CYP19A1: variants seen among roughly 807,000 people sequenced by gnomAD.
CYP19A1 encodes aromatase.
CYP19A1 carries 32 observed loss-of-function variants against 44.4 expected under a neutral mutation model. That is an observed-to-expected ratio of 0.72 (90% CI 0.54 to 0.97). The LOEUF is 0.97. CYP19A1 is among the 50% of genes least tolerant of loss of function. CYP19A1 has a pLI of 0.00. For missense variants in CYP19A1, 598 were observed against 637.8 expected (o/e 0.94, Z 0.67); for synonymous variants, 212 against 215.6 (o/e 0.98, Z 0.14).
At chr15:51,297,649 CT>C (rs2036022706) in intron 1 of CYP19A1, among the ~76,000 whole-genome samples, 1 of 152,114 alleles carries the variant, frequency 6.6e-6, no homozygotes, top group African/African-American at 2.4e-5. Context: ...GCTCCCTCCC[CT>C]GTCTCCCTCC....
chr15:51,242,985 T>A, intron 1 of CYP19A1, 35 bp from the exon 2 acceptor site: 1 of 1,083,476 alleles, frequency 9.2e-7, no homozygotes, highest in South Asian at 1.2e-5. Context: ...AATTACAGAA[T>A]CCCCTAAAAG....
intron 1 of CYP19A1, among the ~76,000 whole-genome samples, chr15:51,299,700 A>T (rs1034838319): frequency 5.3e-5 from 8 of 152,220 alleles, no homozygotes; most frequent in Admixed American, 4.6e-4. Context: ...CAGCTGAAAA[A>T]ACAAGTGCCA....
chr15:51,276,857 G>A (rs2140963450), intron 1 of CYP19A1, among the ~76,000 whole-genome samples: 1 of 152,280 alleles, frequency 6.6e-6, no homozygotes, highest in South Asian at 2.1e-4. Context: ...GCTTAGAGGA[G>A]CAACTGTAAG....
At chr15:51,212,690 T>C (rs905019321) in intron 8 of CYP19A1, 129 bp from the exon 9 acceptor site, 3 of 689,418 alleles carry the variant, frequency 4.4e-6, no homozygotes, top group East Asian at 2.6e-5. Flanking sequence ...CTAATTCTAA[T>C]GCACACCAGC....
intron 3 of CYP19A1, among the ~76,000 whole-genome samples, chr15:51,228,594 T>G (rs1018457169): frequency 6.6e-6 from 1 of 152,180 alleles, no homozygotes; most frequent in East Asian, 1.9e-4. Flanking sequence ...GGAAGCTATT[T>G]TGGGGCTCTG....
intron 3 of CYP19A1, among the ~76,000 whole-genome samples, chr15:51,228,728 A>C (rs1389639622): frequency 6.6e-6 from 1 of 152,188 alleles, no homozygotes; most frequent in Non-Finnish European, 1.5e-5. Context: ...GATGCATTAG[A>C]TGTCATTGGT....
intron 1 of CYP19A1, among the ~76,000 whole-genome samples, chr15:51,315,251 A>G (rs1429721863): frequency 6.6e-6 from 1 of 152,140 alleles, no homozygotes; most frequent in Non-Finnish European, 1.5e-5. Context: ...TCAGAAGGTT[A>G]TGCGTGCTTC....
chr15:51,334,282 G>T (rs939784539), intron 1 of CYP19A1, among the ~76,000 whole-genome samples: 4 of 152,160 alleles, frequency 2.6e-5, no homozygotes, highest in Middle Eastern at 3.2e-3. Context: ...CGTTGATGAG[G>T]TTTCAACAAT....
chr15:51,298,507 C>G (rs2036045449), intron 1 of CYP19A1, among the ~76,000 whole-genome samples: 1 of 152,216 alleles, frequency 6.6e-6, no homozygotes, highest in Non-Finnish European at 1.5e-5. Flanking sequence ...TGCCTCAGCC[C>G]TAAACCATCA....
In CYP19A1 at chr15:51,212,710, C is replaced by A. The variant is rs960672228; in HGVS notation, c.1022-149G>T. The A allele has an allele frequency of 2.0e-5, 13 of 647,088 alleles. No homozygotes were observed. In the South Asian group the frequency reaches 2.2e-4, roughly 11 times the overall value. The allele number at this position is 647,088 out of a possible 1,614,324, so 40.1% of individuals were successfully genotyped here. A position where few individuals can be genotyped will look rare whatever the true frequency, so the allele number is the denominator to read the frequency against. On this transcript the variant is annotated intron_variant, in intron 8 of 9. Coordinates refer to ENST00000396402, the MANE Select transcript of CYP19A1 (RefSeq NM_000103.4). ...TCTAATGCACACCAGCAACCAGGGC[C>A]AAATATGTTATGCTTGGGCCACAGA...
At chr15:51,268,178 C>T (rs1319315618) in intron 1 of CYP19A1, among the ~76,000 whole-genome samples, 2 of 152,178 alleles carry the variant, frequency 1.3e-5, no homozygotes, top group Non-Finnish European at 2.9e-5. Context: ...TGAGCTCTAA[C>T]ATATACACAT....
chr15:51,241,021 T>A (rs1034356506), intron 2 of CYP19A1, among the ~76,000 whole-genome samples: 1 of 152,164 alleles, frequency 6.6e-6, no homozygotes, highest in African/African-American at 2.4e-5. Context: ...GAGATTTTTT[T>A]AAAAATAGCA....
chr15:51,298,783 T>C (rs1259533753), intron 1 of CYP19A1, among the ~76,000 whole-genome samples: 3 of 152,226 alleles, frequency 2.0e-5, no homozygotes, highest in Non-Finnish European at 4.4e-5. Context: ...CTGATCATCA[T>C]CCCACATTAG....
intron 4 of CYP19A1, among the ~76,000 whole-genome samples, chr15:51,224,663 CCAATTAGT>C (rs1256834939): frequency 6.6e-6 from 1 of 152,218 alleles, no homozygotes; most frequent in Non-Finnish European, 1.5e-5. Flanking sequence ...CTGCTTCCTT[CCAATTAGT>C]CATTCTCTCT....
chr15:51,244,474 T>G (rs1457591899), intron 1 of CYP19A1, among the ~76,000 whole-genome samples: 1 of 152,164 alleles, frequency 6.6e-6, no homozygotes, highest in Non-Finnish European at 1.5e-5. Context: ...TGTTTTTTTT[T>G]TAATATATAT....
chr15:51,223,872 G>T lies in CYP19A1; in HGVS notation c.452-1347C>A, dbSNP rs189205482. On this transcript the variant is annotated intron_variant, in intron 4 of 9. Transcript: ENST00000396402. The stretch of plus-strand genomic sequence containing the variant: ...AATGACTCAACCCTTTGTGTGGAAG[G>T]GTTGGCTTAGAATGTCACTTGTGGT... 1.5e-3 allele frequency among the ~76,000 whole-genome samples: 229 copies of T among 152,168 alleles called. 1 individual carries two copies. Among genetic ancestry groups the T allele is most frequent in the Middle Eastern group, 6.8e-3 (2 of 294 alleles).
intron 3 of CYP19A1, among the ~76,000 whole-genome samples, chr15:51,229,260 T>C (rs1275597161): frequency 2.0e-5 from 3 of 151,766 alleles, no homozygotes; most frequent in African/African-American, 7.3e-5. Flanking sequence ...TGTGGTAGTG[T>C]GTGCCTGTAG....
chr15:51,278,804 T>G (rs1004376898), intron 1 of CYP19A1: 1 of 152,170 alleles, frequency 6.6e-6, no homozygotes, highest in Admixed American at 6.6e-5. Context: ...AAGGTAAGGT[T>G]TGACTTGGGG....
At chr15:51,229,846 C>T (rs2032892581) in intron 3 of CYP19A1, among the ~76,000 whole-genome samples, 1 of 152,204 alleles carries the variant, frequency 6.6e-6, no homozygotes, top group African/African-American at 2.4e-5. Context: ...GACCCTGGGG[C>T]TTTTGCATAC....
Sources: gnomAD v4.1 joint callset for allele counts (sites outside exome capture counted in the v4.1 genomes callset) on GRCh38, gnomAD v4.1.1 for gene constraint, MANE v1.5 for transcripts, NCBI Gene and HGNC (gene_info 2026-07-23, HGNC 2026-07-21) for gene names.